XKR4: variants seen among roughly 807,000 people sequenced by gnomAD.
The protein encoded by XKR4 is XK related 4.
A neutral mutation model predicts 53.9 loss-of-function variants in XKR4; 12 were observed. That is an observed-to-expected ratio of 0.22 (90% CI 0.14 to 0.36). The LOEUF (loss-of-function observed/expected upper bound fraction) is 0.36, where lower values mean the gene tolerates loss of function less well. Among genes scored for constraint, XKR4 ranks in the 10% least tolerant of loss-of-function variants. XKR4 has a pLI of 1.00. For missense variants in XKR4, 799 were observed against 859.5 expected (o/e 0.93, Z 0.88); for synonymous variants, 354 against 362.4 (o/e 0.98, Z 0.26).
intron 1 of XKR4, among the ~76,000 whole-genome samples, chr8:55,245,150 A>G (rs922370079): frequency 1.3e-5 from 2 of 151,616 alleles, no homozygotes; most frequent in African/African-American, 2.4e-5. Context: ...CAGATGATCC[A>G]CCCACCTCAG....
intron 1 of XKR4, among the ~76,000 whole-genome samples, chr8:55,160,187 T>A (rs1816965035): frequency 6.6e-6 from 1 of 152,234 alleles, no homozygotes; most frequent in South Asian, 2.1e-4. Flanking sequence ...GTTGTATTTT[T>A]ACTCCAGCCA....
At chr8:55,477,529 A>G (rs1806017352) in intron 2 of XKR4, among the ~76,000 whole-genome samples, 1 of 152,206 alleles carries the variant, frequency 6.6e-6, no homozygotes, top group South Asian at 2.1e-4. Flanking sequence ...GCAGCTCCTC[A>G]CTAGCAATGG....
rs550823079 is a variant in XKR4 at position 55,402,019 on chromosome 8, G to C, written c.1006+44142G>C. Among the ~76,000 whole-genome samples, 4 of 152,188 alleles carry C rather than the reference G, an allele frequency of 2.6e-5. No individual in the cohort carries two copies. In the East Asian group the frequency reaches 7.7e-4, roughly 29 times the overall value. ...GAAGGACATCATTTTGTATTTTCGCGAATCTTTTTCACGTCTGGCTAATAA... is the reference window on the plus strand; with the variant it reads ...GAAGGACATCATTTTGTATTTTCGCCAATCTTTTTCACGTCTGGCTAATAA... On this transcript the variant is annotated intron_variant, in intron 2 of 2. Coordinates refer to ENST00000327381, the MANE Select transcript of XKR4 (RefSeq NM_052898.2).
chr8:55,491,744 C>T, intron 2 of XKR4, among the ~76,000 whole-genome samples: 1 of 152,108 alleles, frequency 6.6e-6, no homozygotes, highest in Non-Finnish European at 1.5e-5. Context: ...GATCCTCCCA[C>T]CTCAGCCTCT....
chr8:55,521,537 A>G (rs1806797963), intron 2 of XKR4, among the ~76,000 whole-genome samples: 1 of 152,208 alleles, frequency 6.6e-6, no homozygotes, highest in African/African-American at 2.4e-5. Context: ...GACTTACAGC[A>G]ATTAAAGATT....
intron 2 of XKR4, among the ~76,000 whole-genome samples, chr8:55,429,217 T>C (rs533162338): frequency 1.7e-4 from 26 of 152,320 alleles, no homozygotes; most frequent in African/African-American, 6.3e-4. Context: ...TGGACATTCA[T>C]AGGCAATAAC....
In XKR4 at chr8:55,489,900, A is replaced by G. The variant is rs556642538; in HGVS notation, c.1007-33381A>G. 9.2e-5 allele frequency among the ~76,000 whole-genome samples: 14 copies of G among 152,258 alleles called. No homozygotes were observed. In the East Asian group the frequency reaches 2.5e-3, roughly 27 times the overall value. On this transcript the variant is annotated intron_variant, in intron 2 of 2. Transcript: ENST00000327381. Reference sequence around the variant, plus strand: ...ACTTTATGCCACTTGATGTATAAAAACTTTATAATAGTATACTTCTGCTTT... The same window carrying G: ...ACTTTATGCCACTTGATGTATAAAAGCTTTATAATAGTATACTTCTGCTTT...
chr8:55,429,148 A>G (rs1035656505), intron 2 of XKR4, among the ~76,000 whole-genome samples: 1 of 152,226 alleles, frequency 6.6e-6, no homozygotes, highest in Non-Finnish European at 1.5e-5. Context: ...TTTTGTGAAG[A>G]TGTGATGGCA....
chr8:55,159,756 A>G (rs898588755), intron 1 of XKR4, among the ~76,000 whole-genome samples: 3 of 152,192 alleles, frequency 2.0e-5, no homozygotes, highest in African/African-American at 7.2e-5. Flanking sequence ...TAGTTGGTAG[A>G]AGTAACCCAT....
chr8:55,412,571 C>T (rs1261741393), intron 2 of XKR4, among the ~76,000 whole-genome samples: 5 of 152,142 alleles, frequency 3.3e-5, no homozygotes, highest in Non-Finnish European at 5.9e-5. Flanking sequence ...TCTTACCAGG[C>T]CATGTGACTC....
intron 1 of XKR4, among the ~76,000 whole-genome samples, chr8:55,321,315 C>A (rs752003870): frequency 4.6e-5 from 7 of 152,208 alleles, no homozygotes; most frequent in Non-Finnish European, 7.3e-5. Context: ...ATCACCAGCT[C>A]CTCAGCCCTG....
intron 1 of XKR4, among the ~76,000 whole-genome samples, chr8:55,286,517 T>G (rs1193854255): frequency 6.6e-6 from 1 of 152,098 alleles, no homozygotes; most frequent in Non-Finnish European, 1.5e-5. Flanking sequence ...GGGGCATGCA[T>G]ATTGTTTTTT....
At chr8:55,252,963 G>A (rs1039491814) in intron 1 of XKR4, among the ~76,000 whole-genome samples, 1 of 152,084 alleles carries the variant, frequency 6.6e-6, no homozygotes, top group African/African-American at 2.4e-5. Context: ...GCTATATTCA[G>A]GCAGGGGATG....
At chr8:55,192,454 A>G (rs1817456464) in intron 1 of XKR4, among the ~76,000 whole-genome samples, 1 of 152,090 alleles carries the variant, frequency 6.6e-6, no homozygotes, top group East Asian at 1.9e-4. Flanking sequence ...ATTTTTTTAT[A>G]CCTACTTATT....
intron 2 of XKR4, among the ~76,000 whole-genome samples, chr8:55,478,741 G>T (rs1469233374): frequency 3.9e-5 from 6 of 152,070 alleles, no homozygotes; most frequent in Non-Finnish European, 8.8e-5. Context: ...AAAGGCAGGG[G>T]TTGCAATCCT....
chr8:55,131,783 C>G (rs1365666037), intron 1 of XKR4, among the ~76,000 whole-genome samples: 1 of 151,442 alleles, frequency 6.6e-6, no homozygotes, highest in Non-Finnish European at 1.5e-5. Flanking sequence ...TATTGCTCTA[C>G]CGTCCAGGCT....
intron 1 of XKR4, among the ~76,000 whole-genome samples, chr8:55,156,385 C>T (rs58860577): frequency 0.34 from 48,727 of 143,614 alleles, 8,744 homozygotes; most frequent in African/African-American, 0.51. Flanking sequence ...AGGTAAGACG[C>T]TGCGCGCATA....
rs537653270 is a variant in XKR4, at chr8:55,259,483, A to G, written c.807-98195A>G. Among the ~76,000 whole-genome samples, 11 of 152,232 alleles carry G rather than the reference A, an allele frequency of 7.2e-5. No homozygotes were observed. In the South Asian group the frequency reaches 2.3e-3, roughly 32 times the overall value. On this transcript the variant is annotated intron_variant, in intron 1 of 2. Transcript: ENST00000327381. ...AGAGTGCCCAAGGTTACAGCGATTG[A>G]AGAAGTGGTGAGGTTGGGGTTTGCC...
intron 2 of XKR4, among the ~76,000 whole-genome samples, chr8:55,396,931 C>T (rs78926262): frequency 0.021 from 3,231 of 152,262 alleles, 107 homozygotes; most frequent in African/African-American, 0.073. Context: ...AATATATTTT[C>T]CCATGTCTGA....
Sources: gnomAD v4.1 joint callset for allele counts (sites outside exome capture counted in the v4.1 genomes callset) on GRCh38, gnomAD v4.1.1 for gene constraint, MANE v1.5 for transcripts, NCBI Gene and HGNC (gene_info 2026-07-23, HGNC 2026-07-21) for gene names.